SRPK1: variants seen among roughly 807,000 people sequenced by gnomAD.
The protein encoded by SRPK1 is SFRS protein kinase 1.
In SRPK1, 52 loss-of-function variants were observed where a neutral mutation model predicts 89.5. That is an observed-to-expected ratio of 0.58 (90% CI 0.46 to 0.73). The LOEUF (loss-of-function observed/expected upper bound fraction) is 0.73, where lower values mean the gene tolerates loss of function less well. Ranked by LOEUF, SRPK1 falls within the 30% of genes least tolerant of loss-of-function variation. The probability of loss-of-function intolerance (pLI) is 0.00; values close to 1 mark genes in which losing one functional copy is unlikely to be tolerated. For synonymous variants in SRPK1, 255 were observed against 270.2 expected, an observed-to-expected ratio of 0.94 and a Z score of 0.55; for missense variants, 603 against 780.6, an observed-to-expected ratio of 0.77 and a Z score of 2.71.
intron 4 of SRPK1, 92 bp downstream of exon 4, chr6:35,888,723 G>A: frequency 1.2e-6 from 1 of 844,902 alleles, no homozygotes; most frequent in Non-Finnish European, 2.0e-6. Flanking sequence ...TCAGGCTAGA[G>A]ATAGATTGAA....
chr6:35,861,239 G>A (rs1221654824), intron 12 of SRPK1, among the ~76,000 whole-genome samples: 1 of 152,198 alleles, frequency 6.6e-6, no homozygotes, highest in African/African-American at 2.4e-5. Context: ...TACAGTAAGA[G>A]AGAAATCCCC....
intron 11 of SRPK1, 139 bp from the exon 12 acceptor site, chr6:35,869,249 ACAG>A (rs1300514748): frequency 1.1e-6 from 1 of 882,532 alleles, no homozygotes; most frequent in Non-Finnish European, 1.7e-6. Context: ...CAAAAAGAGC[ACAG>A]CAACGCCTTG....
intron 13 of SRPK1, among the ~76,000 whole-genome samples, chr6:35,850,489 C>T (rs552347295): frequency 6.6e-6 from 1 of 152,306 alleles, no homozygotes; most frequent in South Asian, 2.1e-4. Flanking sequence ...GGTTGGGAAA[C>T]TCCAGAGTTC....
intron 12 of SRPK1, among the ~76,000 whole-genome samples, chr6:35,862,843 C>T (rs868156027): frequency 6.6e-6 from 1 of 152,086 alleles, no homozygotes. Context: ...ACAACAACAA[C>T]AACAAACCCC....
At chr6:35,881,496 G>A (rs1368158383) in intron 6 of SRPK1, among the ~76,000 whole-genome samples, 1 of 151,370 alleles carries the variant, frequency 6.6e-6, no homozygotes, top group Non-Finnish European at 1.5e-5. Flanking sequence ...ACTATATGCT[G>A]TCTACAAGAG....
At chr6:35,917,424 C>A (rs1771134769) in intron 2 of SRPK1, among the ~76,000 whole-genome samples, 1 of 152,154 alleles carries the variant, frequency 6.6e-6, no homozygotes, top group Non-Finnish European at 1.5e-5. Flanking sequence ...ATCTGACAAA[C>A]CTCAATTCTC....
At chr6:35,864,167 GC>G (rs1222306215) in intron 12 of SRPK1, among the ~76,000 whole-genome samples, 5 of 152,172 alleles carry the variant, frequency 3.3e-5, no homozygotes, top group Admixed American at 3.3e-4. Flanking sequence ...ACGAGCACAG[GC>G]AACCAAAACA....
rs574342200 is a variant in SRPK1, at chr6:35,867,741, C to T, written c.1512+1269G>A. On this transcript the variant is annotated intron_variant, in intron 12 of 15. Transcript: ENST00000373825. ...CTGAGGCAGGAGAATCACCTGAATC[C>T]GGGAGGCAGAGGTTCCAGTGAGCTG... is the stretch of plus-strand genomic sequence containing the variant. 3.9e-5 allele frequency among the ~76,000 whole-genome samples: 6 copies of T among 152,056 alleles called. No homozygotes were observed. In the South Asian group the frequency reaches 1.2e-3, roughly 32 times the overall value.
intron 2 of SRPK1, among the ~76,000 whole-genome samples, chr6:35,895,913 TAG>T (rs1770618655): frequency 6.6e-6 from 1 of 152,178 alleles, no homozygotes; most frequent in Non-Finnish European, 1.5e-5. Context: ...GCTGAATAAG[TAG>T]AGATTCCTGG....
In SRPK1 at chr6:35,869,505, T is replaced by C. The variant is rs747553710; in HGVS notation, c.1388A>G (p.His463Arg). 1.6e-5 allele frequency: 26 copies of C among 1,613,816 alleles called. No individual in the cohort carries two copies. The highest frequency in any genetic ancestry group is 1.6e-4 in the Middle Eastern group (1 of 6,084). ...IPCEDEQEQE[H>R]NGPLDNKGKS... Reference sequence around the variant, plus strand: ...ACCTTTGTTGTCCAGTGGTCCGTTATGTTCTTGCTCTTGTTCATCTTCACA... The same window carrying C: ...ACCTTTGTTGTCCAGTGGTCCGTTACGTTCTTGCTCTTGTTCATCTTCACA... The change falls in exon 11 of 16, where the codon CAT (histidine) becomes CGT (arginine). Residue 463 changes from histidine (H) to arginine (R), a missense_variant. By Grantham distance (29) the His-to-Arg change is conservative. Transcript: ENST00000373825.
At chr6:35,888,586 C>T (rs1174966640) in intron 4 of SRPK1, among the ~76,000 whole-genome samples, 1 of 152,154 alleles carries the variant, frequency 6.6e-6, no homozygotes, top group Non-Finnish European at 1.5e-5. Context: ...GCTTTACCAG[C>T]ATTAATTTAA....
intron 2 of SRPK1, among the ~76,000 whole-genome samples, chr6:35,895,037 GAAA>G (rs1223186201): frequency 6.6e-6 from 1 of 151,790 alleles, no homozygotes; most frequent in African/African-American, 2.4e-5. Context: ...AGATTCCGGG[GAAA>G]AAAACAAAGA....
intron 6 of SRPK1, among the ~76,000 whole-genome samples, chr6:35,882,139 G>GTAC (rs1770308876): frequency 7.0e-6 from 1 of 142,334 alleles, no homozygotes. Context: ...AGTAGTAGTA[G>GTAC]TAGTAGTAGT....
At position 35,833,170 on chromosome 6, in the gene SRPK1, C is replaced by G. The variant is rs1393015094; in HGVS notation, c.*2134G>C. 6.6e-6 allele frequency: 1 copy of G among 152,548 alleles called. No individual in the cohort carries two copies. 9.4% of individuals were successfully genotyped at this position (152,548 alleles called of 1,614,324 possible). A position where few individuals can be genotyped will look rare whatever the true frequency, so the allele number is the denominator to read the frequency against. On this transcript the variant is annotated 3_prime_UTR_variant, in exon 16 of 16. Coordinates refer to ENST00000373825, the MANE Select transcript of SRPK1 (RefSeq NM_003137.5). ...TAGAAATCCTTTAGTGAGATCGTGG[C>G]AATTTGACAGTATTATAATTAAGCT...
chr6:35,844,196 G>A (rs1769379642), intron 13 of SRPK1, among the ~76,000 whole-genome samples: 1 of 151,656 alleles, frequency 6.6e-6, no homozygotes, highest in South Asian at 2.1e-4. Context: ...AGTAGGACAG[G>A]GTTTCACCAT....
chr6:35,895,946 G>C (rs998596443), intron 2 of SRPK1, among the ~76,000 whole-genome samples: 2 of 152,148 alleles, frequency 1.3e-5, no homozygotes, highest in African/African-American at 4.8e-5. Flanking sequence ...ACCCAGAGAG[G>C]GCATGGAAGC....
intron 2 of SRPK1, among the ~76,000 whole-genome samples, chr6:35,901,003 A>G (rs1298629467): frequency 6.6e-6 from 1 of 152,224 alleles, no homozygotes; most frequent in African/African-American, 2.4e-5. Context: ...ATAACAAAAA[A>G]CTAAAAATTA....
Position 35,834,078 on chromosome 6 carries a change from T to A in SRPK1, c.*1226A>T, listed in dbSNP as rs1769121428. 6.6e-6 allele frequency: 1 copy of A among 152,560 alleles called. No individual in the cohort carries two copies. Among genetic ancestry groups the A allele is most frequent in the Admixed American group, 6.6e-5 (1 of 15,264 alleles). 9.5% of individuals were successfully genotyped at this position (152,560 alleles called of 1,614,324 possible). ...AAGCCTCAAGTACATCTCAATCATG[T>A]CAAAATTATGGTTAAAAATTGACAT... On this transcript the variant is annotated 3_prime_UTR_variant, in exon 16 of 16. Transcript: ENST00000373825.
At chr6:35,867,236 T>A (rs1769924912) in intron 12 of SRPK1, among the ~76,000 whole-genome samples, 1 of 152,098 alleles carries the variant, frequency 6.6e-6, no homozygotes. Flanking sequence ...AGGGAGAAAG[T>A]GAAGAAGCTA....
Sources: allele counts gnomAD v4.1 joint callset (sites outside exome capture counted in the v4.1 genomes callset), GRCh38; gene constraint gnomAD v4.1.1; transcripts MANE v1.5; gene names NCBI Gene and HGNC (gene_info 2026-07-23, HGNC 2026-07-21).